Variants in SLC8A1 observed in about 807,000 individuals in gnomAD.
The protein encoded by SLC8A1 is solute carrier family 8 member A1, also known as sodium/calcium exchanger 1.
A neutral mutation model predicts 68.3 loss-of-function variants in SLC8A1; 18 were observed. The observed-to-expected ratio is 0.26, with a 90% CI of 0.18 to 0.39. The LOEUF is 0.39. Among genes scored for constraint, SLC8A1 ranks in the 10% least tolerant of loss-of-function variants. The probability of loss-of-function intolerance (pLI) is 1.00; values close to 1 mark genes in which losing one functional copy is unlikely to be tolerated. For synonymous variants in SLC8A1, 475 were observed against 415.5 expected, an observed-to-expected ratio of 1.14 and a Z score of -1.74; for missense variants, 985 against 1,156.7, an observed-to-expected ratio of 0.85 and a Z score of 2.15.
chr2:40,178,761 C>A (rs2048925952), intron 2 of SLC8A1, among the ~76,000 whole-genome samples: 1 of 152,074 alleles, frequency 6.6e-6, no homozygotes, highest in African/African-American at 2.4e-5. Flanking sequence ...TTGTCATCAT[C>A]ATAAGGAGGA....
intron 2 of SLC8A1, among the ~76,000 whole-genome samples, chr2:40,276,482 T>C (rs1396882032): frequency 6.6e-6 from 1 of 152,218 alleles, no homozygotes; most frequent in Non-Finnish European, 1.5e-5. Flanking sequence ...CCTAATGCAT[T>C]ATTCTCTAGC....
chr2:40,499,730 C>A (rs548661640), intron 1 of SLC8A1, among the ~76,000 whole-genome samples: 11 of 152,122 alleles, frequency 7.2e-5, no homozygotes, highest in Admixed American at 2.0e-4. Flanking sequence ...CCTGTCATTG[C>A]CAAACTCATC....
intron 6 of SLC8A1, among the ~76,000 whole-genome samples, chr2:40,156,275 C>T (rs1412805936): frequency 6.6e-6 from 1 of 151,930 alleles, no homozygotes; most frequent in African/African-American, 2.4e-5. Flanking sequence ...CTCTCCTTTT[C>T]CTGATGATGA....
chr2:40,255,985 C>G (rs1030838218), intron 2 of SLC8A1, among the ~76,000 whole-genome samples: 1 of 152,168 alleles, frequency 6.6e-6, no homozygotes, highest in African/African-American at 2.4e-5. Flanking sequence ...AGGTGTCAGT[C>G]TGCAAACTAG....
intron 1 of SLC8A1, among the ~76,000 whole-genome samples, chr2:40,451,613 C>T (rs1702497640): frequency 6.6e-6 from 1 of 152,124 alleles, no homozygotes; most frequent in Non-Finnish European, 1.5e-5. Flanking sequence ...GCAGCCCTTT[C>T]TTCCTCCGGC....
At chr2:40,384,001 C>T (rs1226314665) in intron 2 of SLC8A1, among the ~76,000 whole-genome samples, 2 of 152,062 alleles carry the variant, frequency 1.3e-5, no homozygotes, top group Non-Finnish European at 2.9e-5. Flanking sequence ...TGACTCACAC[C>T]TGCAATCTCA....
At chr2:40,334,224 G>C (rs1665208644) in intron 2 of SLC8A1, among the ~76,000 whole-genome samples, 1 of 152,164 alleles carries the variant, frequency 6.6e-6, no homozygotes, top group Non-Finnish European at 1.5e-5. Context: ...AGAAGTTAGT[G>C]ATTTTCTCTG....
At chr2:40,270,967 G>A (rs916255466) in intron 2 of SLC8A1, among the ~76,000 whole-genome samples, 2 of 152,052 alleles carry the variant, frequency 1.3e-5, no homozygotes, top group East Asian at 1.9e-4. Context: ...TGCCACCATC[G>A]TCATCCTGGC....
chr2:40,273,576 A>G (rs963604747), intron 2 of SLC8A1, among the ~76,000 whole-genome samples: 9 of 152,338 alleles, frequency 5.9e-5, no homozygotes, highest in Middle Eastern at 3.4e-3. Context: ...GCCCCAAGGT[A>G]CTTTATAGGA....
chr2:40,478,693 A>G (rs1207532769), intron 1 of SLC8A1, among the ~76,000 whole-genome samples: 1 of 152,004 alleles, frequency 6.6e-6, no homozygotes, highest in East Asian at 1.9e-4. Flanking sequence ...TTTGACTTTT[A>G]TACTTTGATA....
intron 1 of SLC8A1, among the ~76,000 whole-genome samples, chr2:40,431,282 T>TA (rs1161302846): frequency 1.3e-5 from 2 of 152,130 alleles, no homozygotes; most frequent in African/African-American, 4.8e-5. Flanking sequence ...ATGGTCATTC[T>TA]AAAATACATA....
chr2:40,229,970 G>T (rs909540114), intron 2 of SLC8A1, among the ~76,000 whole-genome samples: 6 of 152,074 alleles, frequency 3.9e-5, no homozygotes, highest in Non-Finnish European at 5.9e-5. Context: ...ATTGTTCTAT[G>T]AAAAATCTTA....
intron 7 of SLC8A1, among the ~76,000 whole-genome samples, chr2:40,138,805 A>G (rs1186757803): frequency 2.0e-5 from 3 of 152,216 alleles, no homozygotes; most frequent in Non-Finnish European, 4.4e-5. Flanking sequence ...GGTCAGACAA[A>G]AAATTCAGCT....
At chr2:40,409,683 G>A (rs1029692900) in intron 2 of SLC8A1, among the ~76,000 whole-genome samples, 7 of 152,268 alleles carry the variant, frequency 4.6e-5, no homozygotes, top group African/African-American at 1.7e-4. Flanking sequence ...GCAATAGCAT[G>A]CTCAAGGTTT....
chr2:40,374,737 GGC>G (rs1679249471), intron 2 of SLC8A1, among the ~76,000 whole-genome samples: 2 of 151,890 alleles, frequency 1.3e-5, no homozygotes, highest in African/African-American at 2.4e-5. Flanking sequence ...GTATCAGCCT[GGC>G]CTGATACAGC....
chr2:40,112,239 G>C (rs980385693), exon 8 of SLC8A1: 1 of 152,502 alleles, frequency 6.6e-6, no homozygotes, highest in Non-Finnish European at 1.5e-5. Flanking sequence ...AGAATATGCT[G>C]TATCACTAGT....
chr2:40,135,838 G>C (rs1455133164), intron 7 of SLC8A1, among the ~76,000 whole-genome samples: 1 of 152,224 alleles, frequency 6.6e-6, no homozygotes, highest in Admixed American at 6.5e-5. Flanking sequence ...AAGGCAAGAT[G>C]TGGAAAGAGT....
chr2:40,164,339 T>C (rs1010413817), intron 5 of SLC8A1, among the ~76,000 whole-genome samples: 4 of 152,222 alleles, frequency 2.6e-5, no homozygotes, highest in African/African-American at 7.2e-5. Flanking sequence ...ATTCGGTATA[T>C]TGACTGTACT....
At chr2:40,475,551 T>A (rs931242846) in intron 1 of SLC8A1, among the ~76,000 whole-genome samples, 4 of 152,152 alleles carry the variant, frequency 2.6e-5, no homozygotes, top group African/African-American at 9.7e-5. Context: ...AATTCATTTT[T>A]AAATAATAAT....
Sources: allele counts gnomAD v4.1 joint callset (sites outside exome capture counted in the v4.1 genomes callset), GRCh38; gene constraint gnomAD v4.1.1; transcripts MANE v1.5; gene names NCBI Gene and HGNC (gene_info 2026-07-23, HGNC 2026-07-21).